The following SUMF1 variants were observed in gnomAD, a reference collection of about 807,000 sequenced individuals.
SUMF1 encodes the protein formylglycine-generating enzyme.
A neutral mutation model predicts 47.6 loss-of-function variants in SUMF1; 48 were observed. The observed-to-expected ratio is 1.01, with a 90% CI of 0.80 to 1.28. The LOEUF (loss-of-function observed/expected upper bound fraction) is 1.28, where lower values mean the gene tolerates loss of function less well. SUMF1 is among the 50% of genes most tolerant of loss of function. SUMF1 has a pLI of 0.00. For missense variants in SUMF1, 571 were observed against 485.4 expected (o/e 1.18, Z -1.66); for synonymous variants, 230 against 192.1 (o/e 1.20, Z -1.63).
intron 2 of SUMF1, among the ~76,000 whole-genome samples, chr3:4,451,224 T>C (rs1702956507): frequency 6.7e-6 from 1 of 149,966 alleles, no homozygotes; most frequent in Admixed American, 6.6e-5. Flanking sequence ...GGTCTCATAA[T>C]TATCATATTT....
chr3:4,432,646 C>T (rs561474709), intron 3 of SUMF1, among the ~76,000 whole-genome samples: 5 of 152,176 alleles, frequency 3.3e-5, no homozygotes, highest in African/African-American at 1.2e-4. Context: ...AAATAAAAGA[C>T]CCAAGAGCAC....
downstream of SUMF1, among the ~76,000 whole-genome samples, chr3:4,359,568 C>A (rs773767277): frequency 1.2e-4 from 19 of 152,194 alleles, no homozygotes; most frequent in Non-Finnish European, 2.2e-4. Flanking sequence ...GTTTAATTGA[C>A]TCACAGTTCC....
At chr3:4,118,296 G>T (rs1183755006) in intron 8 of SUMF1, among the ~76,000 whole-genome samples, 1 of 151,588 alleles carries the variant, frequency 6.6e-6, no homozygotes, top group Admixed American at 6.6e-5. Context: ...ACAAAAAAGA[G>T]TCATGAAGAT....
intron 7 of SUMF1, among the ~76,000 whole-genome samples, chr3:4,393,253 C>T (rs543487110): frequency 6.6e-6 from 1 of 152,236 alleles, no homozygotes; most frequent in South Asian, 2.1e-4. Context: ...CTTTCAGTGC[C>T]CCCATCCTCC....
intron 9 of SUMF1, among the ~76,000 whole-genome samples, chr3:4,060,444 T>C (rs943716377): frequency 1.3e-5 from 2 of 152,190 alleles, no homozygotes; most frequent in Admixed American, 1.3e-4. Flanking sequence ...TAATATAGGT[T>C]ACAAAATCTT....
rs566229595 is a variant in SUMF1 at position 4,180,198 on chromosome 3, A to G, written c.1015-111453T>C. ...ACCCAGCAATCCCATTACTGGGTAC[A>G]TACCCAAAGGATTATAAATCATGCT... On this transcript the variant is annotated intron_variant and NMD_transcript_variant, in intron 8 of 12. Coordinates refer to the SUMF1 transcript ENST00000448413. Among the ~76,000 whole-genome samples the G allele has an allele frequency of 1.3e-4, 20 of 152,336 alleles. No homozygotes were observed. In the South Asian group the frequency reaches 3.9e-3, roughly 30 times the overall value.
At chr3:4,459,327 TTAAAAA>T (rs1692104080) in intron 1 of SUMF1, among the ~76,000 whole-genome samples, 1 of 151,588 alleles carries the variant, frequency 6.6e-6, no homozygotes, top group South Asian at 2.1e-4. Flanking sequence ...TATTTGTCAA[TTAAAAA>T]TAAAATTTTA....
intron 8 of SUMF1, among the ~76,000 whole-genome samples, chr3:4,220,041 G>A (rs558723222): frequency 2.8e-4 from 43 of 152,132 alleles, no homozygotes; most frequent in Admixed American, 7.9e-4. Flanking sequence ...GAAACAGGAT[G>A]GGAGGGAAAG....
At chr3:4,163,292 T>G (rs1694621062) in intron 8 of SUMF1, among the ~76,000 whole-genome samples, 1 of 145,972 alleles carries the variant, frequency 6.9e-6, no homozygotes, top group Admixed American at 7.0e-5. Flanking sequence ...CAAAGCAGAC[T>G]TAATCTCCTT....
chr3:4,322,589 G>T (rs115950331), intron 8 of SUMF1, among the ~76,000 whole-genome samples: 1,612 of 151,958 alleles, frequency 0.011, 17 homozygotes, highest in African/African-American at 0.035. Flanking sequence ...GACCCTAGGA[G>T]CTCAAGGCTG....
intron 8 of SUMF1, among the ~76,000 whole-genome samples, chr3:4,326,919 A>G (rs1698957827): frequency 6.6e-6 from 1 of 152,212 alleles, no homozygotes; most frequent in African/African-American, 2.4e-5. Flanking sequence ...CTTTGGTAAA[A>G]TAACCAGTGT....
intron 8 of SUMF1, among the ~76,000 whole-genome samples, chr3:4,165,908 C>T (rs531662852): frequency 1.4e-5 from 2 of 144,412 alleles, no homozygotes; most frequent in South Asian, 4.7e-4. Context: ...CTGGACCCTG[C>T]TGATCAGAAT....
At chr3:4,230,137 C>A (rs561338106) in intron 8 of SUMF1, among the ~76,000 whole-genome samples, 1 of 152,048 alleles carries the variant, frequency 6.6e-6, no homozygotes, top group East Asian at 1.9e-4. Context: ...TGTTTCTACT[C>A]ACAGCACTTC....
intron 6 of SUMF1, 54 bp from the exon 7 acceptor site, chr3:4,411,032 C>A: frequency 7.2e-7 from 1 of 1,384,826 alleles, no homozygotes; most frequent in Non-Finnish European, 1.0e-6. Flanking sequence ...GTTTAAAAAA[C>A]ATCTTCAGTG....
intron 8 of SUMF1, among the ~76,000 whole-genome samples, chr3:4,154,432 C>T (rs1315427423): frequency 6.6e-6 from 1 of 151,566 alleles, no homozygotes; most frequent in East Asian, 1.9e-4. Flanking sequence ...ATAGTTAACA[C>T]TTATTGGGCA....
chr3:4,408,229 T>C (rs1476922628), intron 7 of SUMF1, among the ~76,000 whole-genome samples: 3 of 152,136 alleles, frequency 2.0e-5, no homozygotes, highest in Non-Finnish European at 2.9e-5. Flanking sequence ...AAATGATGAC[T>C]GAAAAACACA....
In SUMF1 at chr3:4,452,890, C is replaced by G; in HGVS notation, c.430G>C (p.Gly144Arg). 1.2e-6 allele frequency: 2 copies of G among 1,614,180 alleles called. No homozygotes were observed. Among genetic ancestry groups the G allele is most frequent in the Non-Finnish European group, 1.7e-6 (2 of 1,180,036 alleles). Residue 144 changes from glycine (G) to arginine (R), a missense_variant, in exon 2 of 9, where the codon GGC becomes CGC. By Grantham distance (125) the Gly-to-Arg change is moderately radical (BLOSUM62 -2). Coordinates refer to ENST00000272902, the MANE Select transcript of SUMF1 (RefSeq NM_182760.4). ...TEFEKFVNSTGYLTEAEKFGD... is the reference protein window; with the variant it reads ...TEFEKFVNSTRYLTEAEKFGD... Reference sequence around the variant, plus strand: ...AATCCCATTACCTCTGTCAAATAGCCAGTTGAGTTCACAAACTTCTCAAAT... The same window carrying G: ...AATCCCATTACCTCTGTCAAATAGCGAGTTGAGTTCACAAACTTCTCAAAT...
intron 6 of SUMF1, chr3:4,414,479 G>A (rs1701643781): frequency 6.6e-6 from 1 of 152,246 alleles, no homozygotes; most frequent in Non-Finnish European, 1.5e-5. Context: ...AGGTGGACTT[G>A]AGATACTACG....
chr3:4,059,140 T>A (rs2125026737), intron 9 of SUMF1, among the ~76,000 whole-genome samples: 1 of 152,178 alleles, frequency 6.6e-6, no homozygotes, highest in Admixed American at 6.6e-5. Flanking sequence ...ATCCCACCAA[T>A]ATACTTGTGT....
Sources: allele counts gnomAD v4.1 joint callset (sites outside exome capture counted in the v4.1 genomes callset), GRCh38; gene constraint gnomAD v4.1.1; transcripts MANE v1.5; gene names NCBI Gene and HGNC (gene_info 2026-07-23, HGNC 2026-07-21).